Variants in CELSR1 observed in about 807,000 individuals in gnomAD.
The protein encoded by CELSR1 is cadherin EGF LAG seven-pass G-type receptor 1.
In CELSR1, 110 loss-of-function variants were observed where a neutral mutation model predicts 249.1. The observed-to-expected ratio is 0.44, with a 90% CI of 0.38 to 0.52. The LOEUF (loss-of-function observed/expected upper bound fraction) is 0.52, where lower values mean the gene tolerates loss of function less well. CELSR1 is among the 20% of genes least tolerant of loss of function. The pLI is 0.00. For missense variants in CELSR1, 4,109 were observed against 4,296.4 expected (o/e 0.96, Z 1.22); for synonymous variants, 2,113 against 1,900.0 (o/e 1.11, Z -2.92).
rs370867903 is a variant in CELSR1 at position 46,401,983 on chromosome 22, G to C, written c.5227-2081C>G. Among the ~76,000 whole-genome samples, 2 of 152,222 alleles carry C rather than the reference G, an allele frequency of 1.3e-5. No homozygotes were observed. Among genetic ancestry groups the C allele is most frequent in the East Asian group, 3.9e-4 (2 of 5,156 alleles). On this transcript the variant is annotated intron_variant, in intron 9 of 34. Coordinates refer to ENST00000674500, the MANE Select transcript of CELSR1 (RefSeq NM_001378328.1). The surrounding 1 kb of genome is among the most constrained non-coding windows in gnomAD (Gnocchi z 4.7). ...GGTGCCTGTAGTTCCAGCTGCTTGG[G>C]AGGCTGAGACAGGAGAATTGCTTGA...
chr22:46,531,254 A>G (rs568372259), intron 1 of CELSR1, among the ~76,000 whole-genome samples: 1 of 151,922 alleles, frequency 6.6e-6, no homozygotes, highest in Non-Finnish European at 1.5e-5. Flanking sequence ...CACCCAGGCT[A>G]CAGTGCAGCA....
At position 46,533,992 on chromosome 22, in the gene CELSR1, A is replaced by T; in HGVS notation, c.3179T>A (p.Val1060Glu). The change falls in exon 1 of 35, where the codon GTG becomes GAG. Residue 1060 changes from valine (V) to glutamate (E), a missense_variant. Physicochemically the swap from Val to Glu is moderately radical, Grantham distance 121. Transcript: ENST00000674500. ...DLLNGDLRAM[V>E]ELDFEVRREY... ...CCGCCGGACCTCAAAGTCCAGCTCC[A>T]CCATGGCACGCAGGTCCCCGTTGAG... 6.2e-7 allele frequency: 1 copy of T among 1,613,628 alleles called. No homozygotes were observed. The highest frequency in any genetic ancestry group is 1.3e-5 in the African/African-American group (1 of 75,042).
intron 1 of CELSR1, among the ~76,000 whole-genome samples, chr22:46,514,995 G>C (rs1037438105): frequency 2.6e-5 from 4 of 152,148 alleles, no homozygotes; most frequent in African/African-American, 9.7e-5. Flanking sequence ...AGCCCTCTTG[G>C]GCCCTGGCAA....
Position 46,404,618 on chromosome 22 carries a change from G to A in CELSR1, c.5226+4378C>T, listed in dbSNP as rs190032820. ...TTTGGGTTTTTGGTGGGGGAGGGGG[G>A]CACACACACACAAAAAAACAGATGC... On this transcript the variant is annotated intron_variant, in intron 9 of 34. Coordinates refer to ENST00000674500, the MANE Select transcript of CELSR1 (RefSeq NM_001378328.1). 2.5e-3 allele frequency among the ~76,000 whole-genome samples: 386 copies of A among 151,758 alleles called. 7 individuals are homozygous for A. Among genetic ancestry groups the A allele is most frequent in the African/African-American group, 9.2e-3 (381 of 41,348 alleles).
In CELSR1 at chr22:46,380,719, GC is replaced by G; in HGVS notation, c.7256+68del. 3.2e-6 allele frequency: 5 copies of G among 1,560,432 alleles called. No homozygotes were observed. The highest frequency in any genetic ancestry group is 3.5e-6 in the Non-Finnish European group (4 of 1,148,760). On this transcript the variant is annotated intron_variant, in intron 22 of 34. Transcript: ENST00000674500. The surrounding 1 kb of genome is among the most constrained non-coding windows in gnomAD (Gnocchi z 5.1). ...TCCTCTTGGGGCGCTCTGCCACTGA[GC>G]CCCCGACCCTGCGGGGGCACTCTGC...
Position 46,391,819 on chromosome 22 carries a change from G to A in CELSR1, c.5965-3C>T. ...GCTAGGAGCTTGTAGTAATTCTCCTGCAAAAGCCAGAGGCAGGGCCTGTGA... is the reference window on the plus strand; with the variant it reads ...GCTAGGAGCTTGTAGTAATTCTCCTACAAAAGCCAGAGGCAGGGCCTGTGA... On this transcript the variant is annotated splice_region_variant and splice_polypyrimidine_tract_variant and intron_variant, in intron 14 of 34. Coordinates refer to ENST00000674500, the MANE Select transcript of CELSR1 (RefSeq NM_001378328.1). This position sits in a 1 kb window ranked among gnomAD's most constrained non-coding sequence, Gnocchi z 4.3. The A allele has an allele frequency of 1.2e-6, 2 of 1,608,142 alleles. No homozygotes were observed. The highest frequency in any genetic ancestry group is 1.7e-6 in the Non-Finnish European group (2 of 1,178,570).
chr22:46,366,945 G>A (rs779584856), intron 29 of CELSR1, 48 bp downstream of exon 29: 83 of 1,564,414 alleles, frequency 5.3e-5, no homozygotes, highest in African/African-American at 1.9e-4. Context: ...CCCGCCCCTC[G>A]AGATGCCGCC....
At chr22:46,476,595 CAAA>C (rs35183117) in intron 1 of CELSR1, among the ~76,000 whole-genome samples, 15 of 107,800 alleles carry the variant, frequency 1.4e-4, no homozygotes, top group African/African-American at 2.1e-4. Context: ...GACTCCGTCT[CAAA>C]AAAAAAAAAA....
rs1411503588 is a variant in CELSR1, at chr22:46,395,860, T to C, written c.5843+745A>G. Among the ~76,000 whole-genome samples the C allele has an allele frequency of 6.6e-6, 1 of 152,164 alleles. No individual in the cohort carries two copies. The highest frequency in any genetic ancestry group is 1.5e-5 in the Non-Finnish European group (1 of 68,030). ...ACGCACCTGTACCCAGCGATCCCCG[T>C]GCAAAGGGTACAGAGCCCAGAGCCC... On this transcript the variant is annotated intron_variant, in intron 13 of 34. Coordinates refer to ENST00000674500, the MANE Select transcript of CELSR1 (RefSeq NM_001378328.1). The surrounding 1 kb of genome is among the most constrained non-coding windows in gnomAD (Gnocchi z 5.5).
intron 29 of CELSR1, 109 bp downstream of exon 29, chr22:46,366,884 C>G: frequency 7.0e-7 from 1 of 1,423,678 alleles, no homozygotes. Context: ...CCATCCCCAC[C>G]GTGAGGGGCA....
chr22:46,464,063 G>T lies in CELSR1; in HGVS notation c.3827C>A (p.Pro1276Gln), dbSNP rs143212879. ...GATCTGCTCCTGCAGGTCCTCCGAC[G>T]GGAAGAACTGGCCGCGGACGCCGCC... ...LPGGVRGQFF[P>Q]SEDLQEQIYL... The change falls in exon 2 of 35, where the codon CCG becomes CAG. Residue 1276 changes from proline (P) to glutamine (Q), a missense_variant. Pro to Gln is a moderately conservative substitution (Grantham distance 76). Transcript: ENST00000674500. This position sits in a 1 kb window ranked among gnomAD's most constrained non-coding sequence, Gnocchi z 8.5. The T allele has an allele frequency of 3.2e-5, 52 of 1,613,666 alleles. No homozygotes were observed. Among genetic ancestry groups the T allele is most frequent in the Non-Finnish European group, 4.2e-5 (50 of 1,180,046 alleles).
At position 46,390,150 on chromosome 22, in the gene CELSR1, GAC is replaced by G. The variant is rs1258664186; in HGVS notation, c.6345+240_6345+241del. ...GGGACCCCGTGTTTTCAGAACCAAAGACACAGAGCTGGGTCCTCTGGGGGAGA... is the reference window on the plus strand; with the variant it reads ...GGGACCCCGTGTTTTCAGAACCAAAGACAGAGCTGGGTCCTCTGGGGGAGA... On this transcript the variant is annotated intron_variant, in intron 17 of 34. Coordinates refer to ENST00000674500, the MANE Select transcript of CELSR1 (RefSeq NM_001378328.1). This position sits in a 1 kb window ranked among gnomAD's most constrained non-coding sequence, Gnocchi z 6.3. Among the ~76,000 whole-genome samples, 2 of 152,194 alleles carry G rather than the reference GAC, an allele frequency of 1.3e-5. No individual in the cohort carries two copies. The highest frequency in any genetic ancestry group is 2.9e-5 in the Non-Finnish European group (2 of 68,030).
In CELSR1 at chr22:46,391,357, G is replaced by C; in HGVS notation, c.6149-70C>G. ...CCCACGACCACAAACAGGCACCACTGTCTGCATGCGCCTCCCTGCAGGAGG... is the reference window on the plus strand; with the variant it reads ...CCCACGACCACAAACAGGCACCACTCTCTGCATGCGCCTCCCTGCAGGAGG... On this transcript the variant is annotated intron_variant, in intron 15 of 34. Transcript: ENST00000674500. The surrounding 1 kb of genome is among the most constrained non-coding windows in gnomAD (Gnocchi z 4.3). The C allele has an allele frequency of 7.4e-7, 1 of 1,359,174 alleles. No individual in the cohort carries two copies. Among genetic ancestry groups the C allele is most frequent in the Non-Finnish European group, 1.0e-6 (1 of 965,846 alleles). The allele number at this position is 1,359,174 out of a possible 1,614,324, so 84.2% of individuals were successfully genotyped here. A position where few individuals can be genotyped will look rare whatever the true frequency, so the allele number is the denominator to read the frequency against.
rs576516135 is a variant in CELSR1 at position 46,512,916 on chromosome 22, G to A, written c.3544+20711C>T. Among the ~76,000 whole-genome samples, 1 of 152,306 alleles carries A rather than the reference G, an allele frequency of 6.6e-6. No homozygotes were observed. The highest frequency in any genetic ancestry group is 2.1e-4 in the South Asian group (1 of 4,830). ...CCTGAGTGCTGCCCCGGGTGGCCCC[G>A]CATGGCAGGCGACGTCCTCCTCCAG... On this transcript the variant is annotated intron_variant, in intron 1 of 34. Coordinates refer to ENST00000674500, the MANE Select transcript of CELSR1 (RefSeq NM_001378328.1). The surrounding 1 kb of genome is among the most constrained non-coding windows in gnomAD (Gnocchi z 5.2).
chr22:46,410,303 TC>T lies in CELSR1; in HGVS notation c.4933+94del. 1 of 1,474,338 alleles carries T rather than the reference TC, an allele frequency of 6.8e-7. No individual in the cohort carries two copies. Among genetic ancestry groups the T allele is most frequent in the South Asian group, 1.2e-5 (1 of 82,096 alleles). 91.3% of individuals were successfully genotyped at this position (1,474,338 alleles called of 1,614,324 possible). On this transcript the variant is annotated intron_variant, in intron 7 of 34. Coordinates refer to ENST00000674500, the MANE Select transcript of CELSR1 (RefSeq NM_001378328.1). This position sits in a 1 kb window ranked among gnomAD's most constrained non-coding sequence, Gnocchi z 6.8. The stretch of plus-strand genomic sequence containing the variant: ...CATACATTTCTAAGAAAAACACGGC[TC>T]CCCAGGGATCTGCAAGCAGTGACCT...
At chr22:46,479,624 G>A (rs373209677) in intron 1 of CELSR1, among the ~76,000 whole-genome samples, 1 of 111,562 alleles carries the variant, frequency 9.0e-6, no homozygotes, top group East Asian at 3.3e-4. Flanking sequence ...TTGGGGGGGG[G>A]CCGGGGGTGG....
intron 1 of CELSR1, among the ~76,000 whole-genome samples, chr22:46,477,514 C>CTTT (rs10683807): frequency 0.41 from 54,824 of 133,210 alleles, 12,163 homozygotes; most frequent in East Asian, 0.54. Context: ...GTTTTATTGG[C>CTTT]TTTTTTTTTT....
rs373970917 is a variant in CELSR1 at position 46,364,739 on chromosome 22, G to C, written c.8555-3C>G. On this transcript the variant is annotated splice_polypyrimidine_tract_variant and splice_region_variant and intron_variant, in intron 32 of 34. Transcript: ENST00000674500. ...AACGTGGTTGGCCACAGCGTCCCCT[G>C]AGGCACGAGAGCGGTGCTCAGCAGG... is the stretch of plus-strand genomic sequence containing the variant. 6.2e-7 allele frequency: 1 copy of C among 1,610,692 alleles called. No individual in the cohort carries two copies. The highest frequency in any genetic ancestry group is 8.5e-7 in the Non-Finnish European group (1 of 1,179,340).
At position 46,535,213 on chromosome 22, in the gene CELSR1, T is replaced by C; in HGVS notation, c.1958A>G (p.Tyr653Cys). ...AELDREEVEHYSFGVEAVDHG... is the reference protein window; with the variant it reads ...AELDREEVEHCSFGVEAVDHG... ...GTCCACCGCCTCCACCCCGAAGCTG[T>C]AGTGCTCCACCTCCTCGCGGTCCAG... is the stretch of plus-strand genomic sequence containing the variant. The change falls in exon 1 of 35, where the codon TAC (tyrosine) becomes TGC (cysteine). Residue 653 changes from tyrosine (Y) to cysteine (C), a missense_variant. Around this residue, in one of 7 missense-constraint regions of CELSR1, gnomAD observed 886 missense variants for 896.5 expected, o/e 0.99. Coordinates refer to ENST00000674500, the MANE Select transcript of CELSR1 (RefSeq NM_001378328.1). The C allele has an allele frequency of 1.2e-6, 2 of 1,609,698 alleles. No individual in the cohort carries two copies. The highest frequency in any genetic ancestry group is 1.7e-6 in the Non-Finnish European group (2 of 1,179,912).
Sources: allele counts gnomAD v4.1 joint callset (sites outside exome capture counted in the v4.1 genomes callset), GRCh38; gene constraint gnomAD v4.1.1; regional missense constraint gnomAD v4.1.1; non-coding constraint Gnocchi (gnomAD v3.1); transcripts MANE v1.5; gene names NCBI Gene and HGNC (gene_info 2026-07-23, HGNC 2026-07-21).